The following KAT6B variants were observed in gnomAD, a reference collection of about 807,000 sequenced individuals.
KAT6B encodes the protein lysine acetyltransferase 6B, also known as histone acetyltransferase KAT6B.
A neutral mutation model predicts 187.5 loss-of-function variants in KAT6B; 10 were observed. The observed-to-expected ratio is 0.05, with a 90% confidence interval of 0.03 to 0.09. The LOEUF (loss-of-function observed/expected upper bound fraction) is 0.09. Among genes scored for constraint, KAT6B ranks in the 10% least tolerant of loss-of-function variants. The pLI is 1.00. For missense variants in KAT6B, 1,952 were observed against 2,558.9 expected (o/e 0.76, Z 5.12); for synonymous variants, 861 against 926.8 (o/e 0.93, Z 1.29).
chr10:74,855,243 G>A (rs1029500396), intron 3 of KAT6B, among the ~76,000 whole-genome samples: 1 of 152,166 alleles, frequency 6.6e-6, no homozygotes, highest in African/African-American at 2.4e-5. Flanking sequence ...GCCTTGGTCT[G>A]GGCTGCCTAG....
upstream of KAT6B, among the ~76,000 whole-genome samples, chr10:74,825,300 G>A (rs1840102855): frequency 6.6e-6 from 1 of 151,940 alleles, no homozygotes; most frequent in Admixed American, 6.5e-5. This position sits in a 1 kb window ranked among gnomAD's most constrained non-coding sequence, Gnocchi z 5.0. Context: ...TCCTCCCGCG[G>A]ACACCAGCGT....
intron 3 of KAT6B, among the ~76,000 whole-genome samples, chr10:74,860,005 A>AT (rs1406808092): frequency 5.9e-5 from 9 of 152,248 alleles, no homozygotes; most frequent in African/African-American, 2.2e-4. Flanking sequence ...GCAGAATGAA[A>AT]TAAAGAGCTA....
At chr10:74,954,720 A>G (rs74687309) in intron 3 of KAT6B, among the ~76,000 whole-genome samples, 4,913 of 152,274 alleles carry the variant, frequency 0.032, 200 homozygotes, top group East Asian at 0.17. Context: ...TGATCAAGAT[A>G]TGGTTCACAC....
intron 3 of KAT6B, among the ~76,000 whole-genome samples, chr10:74,868,333 T>C (rs1843689402): frequency 6.6e-6 from 1 of 152,220 alleles, no homozygotes; most frequent in African/African-American, 2.4e-5. Context: ...GCTTCCCAAA[T>C]AACTGGAATA....
chr10:74,920,287 C>G (rs1369833993), intron 3 of KAT6B, among the ~76,000 whole-genome samples: 1 of 152,142 alleles, frequency 6.6e-6, no homozygotes, highest in Non-Finnish European at 1.5e-5. Flanking sequence ...TCTTTGAAGC[C>G]CCATTTACAA....
intron 3 of KAT6B, among the ~76,000 whole-genome samples, chr10:74,873,019 A>T (rs1189378487): frequency 1.3e-5 from 2 of 152,190 alleles, no homozygotes; most frequent in Non-Finnish European, 2.9e-5. Context: ...CTTGTTCTTA[A>T]GCGGGGTGAA....
chr10:74,882,614 A>G (rs1009270309), intron 3 of KAT6B, among the ~76,000 whole-genome samples: 1 of 152,192 alleles, frequency 6.6e-6, no homozygotes, highest in Non-Finnish European at 1.5e-5. Context: ...CTATTTCCTA[A>G]TAATTTGTGG....
chr10:74,939,679 G>A (rs372453841), intron 3 of KAT6B, among the ~76,000 whole-genome samples: 3 of 152,208 alleles, frequency 2.0e-5, no homozygotes, highest in South Asian at 2.1e-4. Context: ...GATTACAGGC[G>A]TGAGCCACTG....
At chr10:74,986,539 C>A (rs1842822366) in intron 12 of KAT6B, among the ~76,000 whole-genome samples, 1 of 152,044 alleles carries the variant, frequency 6.6e-6, no homozygotes, top group South Asian at 2.1e-4. Flanking sequence ...TAAGAATCAA[C>A]CCAAAGATCA....
At chr10:74,969,907 G>C in intron 5 of KAT6B, 113 bp from the exon 6 acceptor site, 2 of 994,372 alleles carry the variant, frequency 2.0e-6, no homozygotes, top group East Asian at 2.5e-5. Flanking sequence ...CTGCAACCAG[G>C]ATCTTGGTGC....
At position 75,031,222 on chromosome 10, in the gene KAT6B, GTTTTTCTTTTTTTCC is replaced by G; in HGVS notation, c.*190_*204del. 4.2e-6 allele frequency: 3 copies of G among 721,716 alleles called. No individual in the cohort carries two copies. Among genetic ancestry groups the G allele is most frequent in the Non-Finnish European group, 4.5e-6 (2 of 446,580 alleles). 44.7% of individuals were successfully genotyped at this position (721,716 alleles called of 1,614,324 possible). On this transcript the variant is annotated 3_prime_UTR_variant, in exon 18 of 18. Coordinates refer to ENST00000287239, the MANE Select transcript of KAT6B (RefSeq NM_012330.4). The stretch of plus-strand genomic sequence containing the variant: ...TGCAGCAGAAAGCCTTATACAAGTT[GTTTTTCTTTTTTTCC>G]TTTTTCTTTTTTTTGGTACCTTCAT...
intron 1 of KAT6B, among the ~76,000 whole-genome samples, chr10:74,837,779 T>C (rs576176227): frequency 1.3e-5 from 2 of 152,110 alleles, no homozygotes; most frequent in Admixed American, 6.5e-5. Context: ...GTGGATAATA[T>C]ACATGTGTTT....
chr10:74,897,219 G>A (rs2132710896), intron 3 of KAT6B, among the ~76,000 whole-genome samples: 1 of 152,242 alleles, frequency 6.6e-6, no homozygotes, highest in South Asian at 2.1e-4. Context: ...ATAATCCTGA[G>A]CCTAACCTTC....
At chr10:74,947,876 T>C (rs1434975089) in intron 3 of KAT6B, among the ~76,000 whole-genome samples, 1 of 152,200 alleles carries the variant, frequency 6.6e-6, no homozygotes, top group East Asian at 1.9e-4. Context: ...CAACACACCT[T>C]ACAGTGAAGC....
Position 74,956,159 on chromosome 10 carries a change from A to G in KAT6B, c.622-3811A>G, listed in dbSNP as rs1225923338. Among the ~76,000 whole-genome samples, 3 of 152,130 alleles carry G rather than the reference A, an allele frequency of 2.0e-5. No homozygotes were observed. The East Asian group carries it at 5.8e-4, about 29-fold the overall frequency. The stretch of plus-strand genomic sequence containing the variant: ...TTGGTCCTGCCCTTTTTTGGGTATT[A>G]TATGACATTTTTTCAAGAGTACAGA... On this transcript the variant is annotated intron_variant, in intron 3 of 17. Transcript: ENST00000287239.
chr10:74,839,837 G>GT (rs1841599030), intron 2 of KAT6B, among the ~76,000 whole-genome samples: 1 of 152,212 alleles, frequency 6.6e-6, no homozygotes, highest in Non-Finnish European at 1.5e-5. Context: ...TGGTTGCACT[G>GT]TGAAAGCCAG....
chr10:74,904,866 A>G (rs1846646920), intron 3 of KAT6B, among the ~76,000 whole-genome samples: 1 of 152,164 alleles, frequency 6.6e-6, no homozygotes, highest in Non-Finnish European at 1.5e-5. Flanking sequence ...TCTTAGTTTC[A>G]GAAGTCTTCA....
chr10:74,862,364 C>T (rs1279473447), intron 3 of KAT6B, among the ~76,000 whole-genome samples: 1 of 152,178 alleles, frequency 6.6e-6, no homozygotes, highest in Non-Finnish European at 1.5e-5. Context: ...TGCCCCTCCT[C>T]TCCTTCAGCA....
intron 3 of KAT6B, among the ~76,000 whole-genome samples, chr10:74,895,092 T>C (rs1387196737): frequency 6.6e-6 from 1 of 151,870 alleles, no homozygotes; most frequent in Non-Finnish European, 1.5e-5. Context: ...TTAATGGGTC[T>C]GAGGTGATAT....
Sources: allele counts gnomAD v4.1 joint callset (sites outside exome capture counted in the v4.1 genomes callset), GRCh38; gene constraint gnomAD v4.1.1; non-coding constraint Gnocchi (gnomAD v3.1); transcripts MANE v1.5; gene names NCBI Gene and HGNC (gene_info 2026-07-23, HGNC 2026-07-21).